The following RPSA2 variants were observed in gnomAD, a reference collection of about 807,000 sequenced individuals.
The protein encoded by RPSA2 is small ribosomal subunit protein uS2B.
At chr19:23,823,297 C>T in the RPSA2 span, among the ~76,000 whole-genome samples, 1 of 152,132 alleles carries the variant, frequency 6.6e-6, no homozygotes, top group Non-Finnish European at 1.5e-5. Context: ...CCTTTTGATT[C>T]AGACCAATTA....
the RPSA2 span, among the ~76,000 whole-genome samples, chr19:23,804,319 A>AC: frequency 1.7e-4 from 1 of 5,880 alleles, no homozygotes; most frequent in African/African-American, 2.0e-4. Context: ...CTTTTTGGAG[A>AC]CGAGTCTTGC....
chr19:23,843,496 G>T, the RPSA2 span, among the ~76,000 whole-genome samples: 7 of 152,172 alleles, frequency 4.6e-5, no homozygotes, highest in Non-Finnish European at 1.0e-4. Context: ...TCCTTTGAGG[G>T]TACCATGAGA....
chr19:23,805,155 A>ACT, the RPSA2 span, among the ~76,000 whole-genome samples: 1 of 1,478 alleles, frequency 6.8e-4, no homozygotes, highest in African/African-American at 8.3e-4. Context: ...ACACACACAC[A>ACT]CACACACACT....
At chr19:23,814,683 CTAT>C in the RPSA2 span, among the ~76,000 whole-genome samples, 1 of 152,066 alleles carries the variant, frequency 6.6e-6, no homozygotes, top group African/African-American at 2.4e-5. Flanking sequence ...CTTTGAAAAA[CTAT>C]TATTTTTTGA....
At chr19:23,767,579 A>G in the RPSA2 span, among the ~76,000 whole-genome samples, 176 of 152,216 alleles carry the variant, frequency 1.2e-3, 2 homozygotes, top group Non-Finnish European at 2.1e-4. Context: ...AGTGGGGTAC[A>G]AAGTGTCTCC....
chr19:23,867,285 C>T, the RPSA2 span, among the ~76,000 whole-genome samples: 205 of 152,312 alleles, frequency 1.3e-3, 1 homozygote, highest in Middle Eastern at 6.8e-3. Context: ...AAGTGTTCAA[C>T]GGAGTGCTGA....
chr19:23,870,141 T>C, the RPSA2 span, among the ~76,000 whole-genome samples: 7 of 152,334 alleles, frequency 4.6e-5, no homozygotes, highest in South Asian at 1.2e-3. Context: ...ATCATGCCTG[T>C]AGAGCCTCAG....
At chr19:23,830,122 C>T in the RPSA2 span, among the ~76,000 whole-genome samples, 4 of 150,284 alleles carry the variant, frequency 2.7e-5, no homozygotes, top group African/African-American at 9.8e-5. Flanking sequence ...TTTTTTTTAA[C>T]AACTTTTTCA....
At chr19:23,802,700 A>AACAG in the RPSA2 span, among the ~76,000 whole-genome samples, 1 of 151,618 alleles carries the variant, frequency 6.6e-6, no homozygotes, top group East Asian at 1.9e-4. Context: ...CAAACAGATA[A>AACAG]ATTGATTCCA....
At chr19:23,766,950 T>G in the RPSA2 span, among the ~76,000 whole-genome samples, 1 of 151,744 alleles carries the variant, frequency 6.6e-6, no homozygotes. Flanking sequence ...GTTTGTTTGC[T>G]TGTTTGTTTT....
the RPSA2 span, among the ~76,000 whole-genome samples, chr19:23,774,186 G>A: frequency 3.9e-5 from 6 of 152,240 alleles, no homozygotes; most frequent in East Asian, 1.9e-4. Context: ...GCATTGTCAC[G>A]TATCTCTGGG....
chr19:23,805,167 T>TTTTC, the RPSA2 span, among the ~76,000 whole-genome samples: 3 of 150,856 alleles, frequency 2.0e-5, no homozygotes, highest in Non-Finnish European at 2.9e-5. Context: ...ACACACACTT[T>TTTTC]TTTTCTTTTT....
At chr19:23,867,150 TA>T in the RPSA2 span, among the ~76,000 whole-genome samples, 3 of 151,330 alleles carry the variant, frequency 2.0e-5, no homozygotes, top group South Asian at 2.1e-4. Context: ...TGGTACAAAT[TA>T]AAAAAAAATG....
the RPSA2 span, among the ~76,000 whole-genome samples, chr19:23,845,382 C>T: frequency 6.6e-6 from 1 of 151,226 alleles, no homozygotes; most frequent in African/African-American, 2.4e-5. Context: ...TTTTTTGATG[C>T]AGACATTTAG....
the RPSA2 span, among the ~76,000 whole-genome samples, chr19:23,791,690 A>C: frequency 6.6e-6 from 1 of 151,076 alleles, no homozygotes; most frequent in Non-Finnish European, 1.5e-5. Context: ...CACTTTATCA[A>C]CTATTTGTCC....
the RPSA2 span, chr19:23,782,120 T>A: frequency 0.12 from 17,838 of 152,398 alleles, 1,103 homozygotes; most frequent in East Asian, 0.22. Flanking sequence ...CCAGGTGATG[T>A]AACGCTTCAT....
the RPSA2 span, among the ~76,000 whole-genome samples, chr19:23,848,254 C>T: frequency 5.6e-4 from 86 of 152,318 alleles, 1 homozygote; most frequent in African/African-American, 2.0e-3. Context: ...CAGCCGGTCC[C>T]TCCGTTTGGG....
At chr19:23,827,418 C>T in the RPSA2 span, 3 of 1,465,646 alleles carry the variant, frequency 2.0e-6, no homozygotes, top group East Asian at 4.5e-5. Flanking sequence ...GGCCAGAGGG[C>T]TGTGCTGAAG....
the RPSA2 span, among the ~76,000 whole-genome samples, chr19:23,786,714 G>A: frequency 6.6e-6 from 1 of 151,954 alleles, no homozygotes; most frequent in Non-Finnish European, 1.5e-5. Flanking sequence ...TGCTCACAGA[G>A]AAATTGTGAC....
Sources: gnomAD v4.1 joint callset for allele counts (sites outside exome capture counted in the v4.1 genomes callset) on GRCh38, gnomAD v4.1.1 for gene constraint, MANE v1.5 for transcripts, NCBI Gene and HGNC (gene_info 2026-07-23, HGNC 2026-07-21) for gene names.